The following PHACTR2 variants were observed in gnomAD, a reference collection of about 807,000 sequenced individuals.
PHACTR2 encodes the protein chromosome 6 open reading frame 56.
In PHACTR2, 30 loss-of-function variants were observed where a neutral mutation model predicts 76.0. The ratio of observed to expected loss-of-function variants is 0.39; its 90% confidence interval spans 0.30 to 0.54. PHACTR2 has a LOEUF of 0.54. PHACTR2 is among the 20% of genes least tolerant of loss of function. The pLI, the probability that PHACTR2 is intolerant of heterozygous loss-of-function variation, is 0.61. For synonymous variants in PHACTR2, 292 were observed against 292.5 expected (o/e 1.00, Z 0.02); for missense variants, 696 against 781.1 (o/e 0.89, Z 1.30).
At chr6:143,808,941 A>G (rs1043521542) in intron 12 of PHACTR2, among the ~76,000 whole-genome samples, 1 of 152,154 alleles carries the variant, frequency 6.6e-6, no homozygotes, top group African/African-American at 2.4e-5. Context: ...GCTCTTCTGA[A>G]GTAAAGTTGA....
At chr6:143,745,067 C>G (rs774733666) in intron 2 of PHACTR2, among the ~76,000 whole-genome samples, 1 of 152,190 alleles carries the variant, frequency 6.6e-6, no homozygotes, top group Non-Finnish European at 1.5e-5. Context: ...TATTCAGCTA[C>G]GACATTCAGC....
chr6:143,791,483 G>T lies in PHACTR2; in HGVS notation c.1845+2573G>T, dbSNP rs1227590458. ...AGAGATGCTGATCTCATTGGTCTGG[G>T]ATGTGGCCTTCATATTGGGATTTTT... is the stretch of plus-strand genomic sequence containing the variant. On this transcript the variant is annotated intron_variant, in intron 11 of 12. Transcript: ENST00000440869. This position sits in a 1 kb window ranked among gnomAD's most constrained non-coding sequence, Gnocchi z 4.7. Among the ~76,000 whole-genome samples, 5 of 152,334 alleles carry T rather than the reference G, an allele frequency of 3.3e-5. No individual in the cohort carries two copies. The East Asian group carries it at 9.6e-4, about 29-fold the overall frequency.
chr6:143,768,926 A>G (rs937289321), intron 6 of PHACTR2, among the ~76,000 whole-genome samples: 1 of 152,202 alleles, frequency 6.6e-6, no homozygotes, highest in African/African-American at 2.4e-5. Flanking sequence ...ATGAACCTGG[A>G]GTAAGTAGTC....
upstream of PHACTR2, among the ~76,000 whole-genome samples, chr6:143,675,722 C>T (rs1382212731): frequency 2.6e-5 from 4 of 152,058 alleles, no homozygotes; most frequent in African/African-American, 9.7e-5. This position sits in a 1 kb window ranked among gnomAD's most constrained non-coding sequence, Gnocchi z 4.9. Flanking sequence ...AATAAATTCC[C>T]TAGAGAGAGG....
rs983339401 is a variant in PHACTR2, at chr6:143,708,350, G to A, written c.47-3666G>A. 6.6e-6 allele frequency among the ~76,000 whole-genome samples: 1 copy of A among 152,172 alleles called. No homozygotes were observed. The highest frequency in any genetic ancestry group is 2.4e-5 in the African/African-American group (1 of 41,446). ...CTCTACATTTGATTAGCTAATGACT[G>A]TATTTCAAAATATGCTGTGTTTTAA... On this transcript the variant is annotated intron_variant, in intron 1 of 12. Coordinates refer to ENST00000440869, the MANE Select transcript of PHACTR2 (RefSeq NM_001100164.2). The surrounding 1 kb of genome is among the most constrained non-coding windows in gnomAD (Gnocchi z 5.5).
intron 6 of PHACTR2, among the ~76,000 whole-genome samples, chr6:143,771,769 G>C (rs545358018): frequency 1.1e-4 from 16 of 152,212 alleles, no homozygotes; most frequent in African/African-American, 2.9e-4. Context: ...ACTTTTCTAC[G>C]TCATTACCTT....
rs1775743708 is a variant in PHACTR2, at chr6:143,595,786, T to C, written c.217+58579T>C. Among the ~76,000 whole-genome samples the C allele has an allele frequency of 6.6e-6, 1 of 152,230 alleles. No individual in the cohort carries two copies. The highest frequency in any genetic ancestry group is 6.5e-5 in the Admixed American group (1 of 15,292). The stretch of plus-strand genomic sequence containing the variant: ...ATAAAAATAAAGAATGTTACCAGAA[T>C]GTTCTACTTAATTTAGCTTTCCAAA... On this transcript the variant is annotated intron_variant, in intron 1 of 11. Coordinates refer to the PHACTR2 transcript ENST00000367584. This position sits in a 1 kb window ranked among gnomAD's most constrained non-coding sequence, Gnocchi z 4.2.
chr6:143,761,654 T>C lies in PHACTR2; in HGVS notation c.694+1014T>C, dbSNP rs570263991. Among the ~76,000 whole-genome samples, 2 of 152,062 alleles carry C rather than the reference T, an allele frequency of 1.3e-5. No homozygotes were observed. Among genetic ancestry groups the C allele is most frequent in the East Asian group, 3.9e-4 (2 of 5,164 alleles). ...CTCTAATCCCAGCTACTCAGGAGGC[T>C]GAGGCAGGAAAATCGCTTGAACCCA... is the stretch of plus-strand genomic sequence containing the variant. On this transcript the variant is annotated intron_variant, in intron 5 of 12. Coordinates refer to ENST00000440869, the MANE Select transcript of PHACTR2 (RefSeq NM_001100164.2). The surrounding 1 kb of genome is among the most constrained non-coding windows in gnomAD (Gnocchi z 5.2).
chr6:143,682,905 A>G (rs558124461), intron 1 of PHACTR2, among the ~76,000 whole-genome samples: 1 of 152,232 alleles, frequency 6.6e-6, no homozygotes, highest in East Asian at 1.9e-4. Context: ...AAGATTGTTC[A>G]ATTTTGTCAA....
At chr6:143,642,516 G>A (rs114562292) in intron 1 of PHACTR2, among the ~76,000 whole-genome samples, 6,957 of 152,212 alleles carry the variant, frequency 0.046, 252 homozygotes, top group African/African-American at 0.1. Context: ...GGATTGAGCC[G>A]TGTCCCTACA....
chr6:143,600,651 A>G (rs529216109), intron 1 of PHACTR2, among the ~76,000 whole-genome samples: 300 of 152,266 alleles, frequency 2.0e-3, no homozygotes, highest in Non-Finnish European at 3.5e-3. Flanking sequence ...AGAGGCCTGT[A>G]TCTCAATGCC....
chr6:143,777,359 T>A lies in PHACTR2; in HGVS notation c.1621T>A (p.Leu541Ile). The change falls in exon 9 of 13, where the codon TTA (leucine) becomes ATA (isoleucine). Residue 541 changes from leucine (L) to isoleucine (I), a missense_variant. Leu to Ile is a conservative substitution (Grantham distance 5). Coordinates refer to ENST00000440869, the MANE Select transcript of PHACTR2 (RefSeq NM_001100164.2). This position sits in a 1 kb window ranked among gnomAD's most constrained non-coding sequence, Gnocchi z 4.6. ...GAGCCAGAGGCCCACAACTGAAGAA[T>A]TAGAGCAAAGAAACATCCTAAAACG... Reference protein sequence around the residue: ...RLSQRPTTEELEQRNILKQKN... With the variant: ...RLSQRPTTEEIEQRNILKQKN... 6.2e-7 allele frequency: 1 copy of A among 1,601,242 alleles called. No individual in the cohort carries two copies. The highest frequency in any genetic ancestry group is 8.5e-7 in the Non-Finnish European group (1 of 1,169,754).
In PHACTR2 at chr6:143,663,171, G is replaced by A. The variant is rs752393234; in HGVS notation, c.14-48845G>A. Among the ~76,000 whole-genome samples the A allele has an allele frequency of 8.5e-5, 13 of 152,100 alleles. No homozygotes were observed. The highest frequency in any genetic ancestry group is 1.5e-4 in the Non-Finnish European group (10 of 68,010). ...TATTGTGAATAGCACAGTGATGAAC[G>A]TACGAGTGCATGTGTCTTTTTGCTA... On this transcript the variant is annotated intron_variant, in intron 1 of 11. Coordinates refer to the PHACTR2 transcript ENST00000305766. The surrounding 1 kb of genome is among the most constrained non-coding windows in gnomAD (Gnocchi z 4.1).
At chr6:143,635,101 G>A (rs1458558729) in intron 1 of PHACTR2, among the ~76,000 whole-genome samples, 1 of 152,010 alleles carries the variant, frequency 6.6e-6, no homozygotes, top group Non-Finnish European at 1.5e-5. Context: ...CTTGTTCTCT[G>A]CAGATGGCAT....
chr6:143,806,958 T>TAAAA lies in PHACTR2; in HGVS notation c.1846-88_1846-85dup. The TAAAA allele has an allele frequency of 5.9e-6, 3 of 507,866 alleles. No individual in the cohort carries two copies. The highest frequency in any genetic ancestry group is 1.0e-5 in the Non-Finnish European group (3 of 289,750). 31.5% of individuals were successfully genotyped at this position (507,866 alleles called of 1,614,324 possible). ...GATGACAGAGCGAGACTCTATCTCT[T>TAAAA]AAAAAAAAAAAAAAGGTCTGCTTCA... On this transcript the variant is annotated intron_variant, in intron 11 of 12. Coordinates refer to ENST00000440869, the MANE Select transcript of PHACTR2 (RefSeq NM_001100164.2). This position sits in a 1 kb window ranked among gnomAD's most constrained non-coding sequence, Gnocchi z 5.8.
chr6:143,782,860 G>A lies in PHACTR2; in HGVS notation c.1646-359G>A, dbSNP rs767300426. ...ATTTTTATCTGAATTCTGGTAAATT[G>A]TGCTTATAAGCCCATGAAATGATCA... On this transcript the variant is annotated intron_variant, in intron 9 of 12. Transcript: ENST00000440869. The surrounding 1 kb of genome is among the most constrained non-coding windows in gnomAD (Gnocchi z 4.6). 1.3e-4 allele frequency among the ~76,000 whole-genome samples: 20 copies of A among 152,208 alleles called. No homozygotes were observed. The highest frequency in any genetic ancestry group is 2.6e-4 in the Non-Finnish European group (18 of 68,024).
chr6:143,729,670 G>GT (rs1778657957), intron 2 of PHACTR2, among the ~76,000 whole-genome samples: 1 of 151,966 alleles, frequency 6.6e-6, no homozygotes, highest in Admixed American at 6.6e-5. Context: ...ATTCTCTTTG[G>GT]TAAAAGTCTT....
At chr6:143,667,950 T>C (rs1202353142) in intron 1 of PHACTR2, among the ~76,000 whole-genome samples, 1 of 152,242 alleles carries the variant, frequency 6.6e-6, no homozygotes, top group Admixed American at 6.5e-5. Flanking sequence ...GGCATCCTTG[T>C]CTTGTGCTGG....
At chr6:143,726,183 G>A (rs1156743685) in intron 2 of PHACTR2, among the ~76,000 whole-genome samples, 1 of 152,196 alleles carries the variant, frequency 6.6e-6, no homozygotes, top group Non-Finnish European at 1.5e-5. Context: ...ATGCCAAACA[G>A]TTTTCCAGAG....
Sources: gnomAD v4.1 joint callset for allele counts (sites outside exome capture counted in the v4.1 genomes callset) on GRCh38, gnomAD v4.1.1 for gene constraint, Gnocchi (gnomAD v3.1) non-coding constraint, MANE v1.5 for transcripts, NCBI Gene and HGNC (gene_info 2026-07-23, HGNC 2026-07-21) for gene names.